SGCZ: variants seen among roughly 807,000 people sequenced by gnomAD.
The protein encoded by SGCZ is zeta-sarcoglycan.
A neutral mutation model predicts 41.3 loss-of-function variants in SGCZ; 40 were observed. The observed-to-expected ratio is 0.97, with a 90% CI of 0.75 to 1.26. The LOEUF is 1.26. SGCZ is among the 50% of genes most tolerant of loss of function. SGCZ has a pLI of 0.00. For missense variants in SGCZ, 552 were observed against 369.8 expected, an observed-to-expected ratio of 1.49 and a Z score of -4.04; for synonymous variants, 206 against 137.5, an observed-to-expected ratio of 1.50 and a Z score of -3.49.
At chr8:14,612,807 G>A (rs1281793596) in intron 1 of SGCZ, among the ~76,000 whole-genome samples, 1 of 151,960 alleles carries the variant, frequency 6.6e-6, no homozygotes, top group Non-Finnish European at 1.5e-5. Flanking sequence ...CTGCCTCACT[G>A]CTCAAGTTGC....
chr8:14,154,109 G>T (rs1475696034), intron 5 of SGCZ, among the ~76,000 whole-genome samples: 1 of 152,272 alleles, frequency 6.6e-6, no homozygotes, highest in African/African-American at 2.4e-5. Context: ...GGTGGCTCAT[G>T]CCTGTAATCC....
chr8:14,189,551 C>G (rs1805024149), intron 4 of SGCZ, among the ~76,000 whole-genome samples: 1 of 152,138 alleles, frequency 6.6e-6, no homozygotes, highest in African/African-American at 2.4e-5. Flanking sequence ...TGTTCTCAGC[C>G]GGATCTTCGT....
chr8:14,294,869 G>C (rs573777046), intron 3 of SGCZ, among the ~76,000 whole-genome samples: 8 of 152,142 alleles, frequency 5.3e-5, no homozygotes, highest in African/African-American at 1.9e-4. Context: ...GCCACTAAGT[G>C]CCCTTTTAAA....
chr8:14,473,663 C>A (rs770952316), intron 2 of SGCZ, among the ~76,000 whole-genome samples: 1 of 151,782 alleles, frequency 6.6e-6, no homozygotes, highest in East Asian at 1.9e-4. Flanking sequence ...AGCGGCCGGG[C>A]GAGGTGTCTC....
chr8:14,768,091 A>T (rs1800100935), intron 1 of SGCZ, among the ~76,000 whole-genome samples: 1 of 152,190 alleles, frequency 6.6e-6, no homozygotes, highest in Admixed American at 6.5e-5. Flanking sequence ...CACTCTATTA[A>T]GCCCTAAAAC....
intron 1 of SGCZ, among the ~76,000 whole-genome samples, chr8:14,917,026 A>T (rs1291399384): frequency 6.6e-6 from 1 of 152,164 alleles, no homozygotes; most frequent in African/African-American, 2.4e-5. Flanking sequence ...AAATAGAAAC[A>T]GTCACAGCTT....
At chr8:14,380,205 T>C (rs1017236962) in intron 2 of SGCZ, among the ~76,000 whole-genome samples, 11 of 152,194 alleles carry the variant, frequency 7.2e-5, no homozygotes, top group African/African-American at 2.7e-4. Flanking sequence ...TGTCAACTTA[T>C]TTGTGAATAT....
chr8:14,220,786 A>AAAACAAACAAACAAAC (rs78591142), intron 4 of SGCZ, among the ~76,000 whole-genome samples: 17 of 150,876 alleles, frequency 1.1e-4, no homozygotes, highest in Admixed American at 6.6e-4. Flanking sequence ...TACTCTGCCA[A>AAAACAAACAAACAAAC]AAACAAACAA....
At chr8:14,566,475 A>G (rs1804364144) in intron 1 of SGCZ, among the ~76,000 whole-genome samples, 1 of 152,236 alleles carries the variant, frequency 6.6e-6, no homozygotes, top group Admixed American at 6.5e-5. Context: ...ATCTCAGTAG[A>G]GACCATACAA....
chr8:14,943,053 G>T (rs1800328842), intron 1 of SGCZ, among the ~76,000 whole-genome samples: 1 of 152,078 alleles, frequency 6.6e-6, no homozygotes. Context: ...TATTTACAAA[G>T]AAGAATTGTC....
chr8:15,151,848 T>C (rs1030133671), intron 1 of SGCZ, among the ~76,000 whole-genome samples: 2 of 152,234 alleles, frequency 1.3e-5, no homozygotes, highest in Admixed American at 6.5e-5. Context: ...TCCATCAATA[T>C]ACTGGCTTTT....
In SGCZ at chr8:14,152,065, A is replaced by T. The variant is rs187255309; in HGVS notation, c.547+12515T>A. Among the ~76,000 whole-genome samples, 35 of 152,234 alleles carry T rather than the reference A, an allele frequency of 2.3e-4. No homozygotes were observed. In the East Asian group the frequency reaches 6.0e-3, roughly 26 times the overall value. ...TTTACACCAAAAGCACAATTCATTTAAAAAAATAGGCATTGGATCTCAAAA... is the reference window on the plus strand; with the variant it reads ...TTTACACCAAAAGCACAATTCATTTTAAAAAATAGGCATTGGATCTCAAAA... On this transcript the variant is annotated intron_variant, in intron 5 of 7. Coordinates refer to ENST00000382080, the MANE Select transcript of SGCZ (RefSeq NM_139167.4).
Position 14,971,112 on chromosome 8 carries a change from C to T in SGCZ, c.39+266473G>A, listed in dbSNP as rs185164919. On this transcript the variant is annotated intron_variant, in intron 1 of 7. Coordinates refer to ENST00000382080, the MANE Select transcript of SGCZ (RefSeq NM_139167.4). ...TGAAAATACAATTGATTCTGTATAT[C>T]GATTTTTATCTTGAATCTTGCTATT... Among the ~76,000 whole-genome samples, 943 of 152,022 alleles carry T rather than the reference C, an allele frequency of 6.2e-3. 10 individuals carry two copies. The highest frequency in any genetic ancestry group is 0.024 in the Middle Eastern group (7 of 292).
chr8:15,030,945 C>T (rs1803637663), intron 1 of SGCZ, among the ~76,000 whole-genome samples: 1 of 152,056 alleles, frequency 6.6e-6, no homozygotes, highest in South Asian at 2.1e-4. Flanking sequence ...ATGCAGGAGG[C>T]CACACCAATT....
intron 1 of SGCZ, among the ~76,000 whole-genome samples, chr8:14,654,480 T>C (rs1807497587): frequency 6.6e-6 from 1 of 152,102 alleles, no homozygotes; most frequent in African/African-American, 2.4e-5. Flanking sequence ...TATTTAAATC[T>C]CTTAGAAAAT....
Position 14,625,215 on chromosome 8 carries a change from A to AT in SGCZ, c.40-70290dup, listed in dbSNP as rs1240925522. Reference sequence around the variant, plus strand: ...ATTCTTATTTTAGTAGCATTACAACATTTTTTAACATACTACAATAAATCT... The same window carrying AT: ...ATTCTTATTTTAGTAGCATTACAACATTTTTTTAACATACTACAATAAATCT... On this transcript the variant is annotated intron_variant, in intron 1 of 7. Transcript: ENST00000382080. Among the ~76,000 whole-genome samples the AT allele has an allele frequency of 3.3e-5, 5 of 152,254 alleles. No homozygotes were observed. In the South Asian group the frequency reaches 8.3e-4, roughly 25 times the overall value.
chr8:14,486,741 T>G (rs766172841), intron 2 of SGCZ, among the ~76,000 whole-genome samples: 5 of 152,110 alleles, frequency 3.3e-5, no homozygotes, highest in Non-Finnish European at 7.4e-5. Flanking sequence ...CCCAGCTAAT[T>G]TACTCCTGGG....
chr8:14,857,299 A>C (rs964879357), intron 1 of SGCZ, among the ~76,000 whole-genome samples: 1 of 152,084 alleles, frequency 6.6e-6, no homozygotes, highest in Non-Finnish European at 1.5e-5. Flanking sequence ...TTTCTTTATC[A>C]ATTACCCAGT....
intron 1 of SGCZ, among the ~76,000 whole-genome samples, chr8:14,685,768 A>C (rs1808592235): frequency 6.6e-6 from 1 of 152,160 alleles, no homozygotes; most frequent in African/African-American, 2.4e-5. Context: ...GTCTATTTAA[A>C]TATTACAGAT....
Sources: allele counts gnomAD v4.1 joint callset (sites outside exome capture counted in the v4.1 genomes callset), GRCh38; gene constraint gnomAD v4.1.1; transcripts MANE v1.5; gene names NCBI Gene and HGNC (gene_info 2026-07-23, HGNC 2026-07-21).